Variants in CTNNB1 observed in about 807,000 individuals in gnomAD.
The protein encoded by CTNNB1 is catenin beta-1.
CTNNB1 carries 6 observed loss-of-function variants against 82.5 expected under a neutral mutation model. The observed-to-expected ratio is 0.07, with a 90% CI of 0.04 to 0.14. The LOEUF (loss-of-function observed/expected upper bound fraction) is 0.14, where lower values mean the gene tolerates loss of function less well. Ranked by LOEUF, CTNNB1 falls within the 10% of genes least tolerant of loss-of-function variation. The pLI is 1.00. For synonymous variants in CTNNB1, 312 were observed against 329.7 expected (o/e 0.95, Z 0.58); for missense variants, 529 against 980.4 (o/e 0.54, Z 6.15).
At chr3:41,237,836 A>G in intron 13 of CTNNB1, 180 bp from the exon 14 acceptor site, 1 of 611,804 alleles carries the variant, frequency 1.6e-6, no homozygotes, top group Non-Finnish European at 2.9e-6. Flanking sequence ...GCAAAGAGAA[A>G]AAAAAATGTA....
intron 13 of CTNNB1, 161 bp from the exon 14 acceptor site, chr3:41,237,855 G>A: frequency 1.5e-6 from 1 of 661,480 alleles, no homozygotes; most frequent in South Asian, 1.7e-5. Context: ...TATCTTTGAG[G>A]TGTGGAGTTT....
chr3:41,205,303 G>C lies in CTNNB1; in HGVS notation c.-49+5633G>C, dbSNP rs1044865782. Among the ~76,000 whole-genome samples the C allele has an allele frequency of 2.8e-4, 43 of 152,168 alleles. 1 individual carries two copies. The highest frequency in any genetic ancestry group is 8.5e-4 in the African/African-American group (35 of 41,418). ...AATTAAAAATTAATTGAATATAAACGTTTTACTTAAATTAATGGCAAATGG... is the reference window on the plus strand; with the variant it reads ...AATTAAAAATTAATTGAATATAAACCTTTTACTTAAATTAATGGCAAATGG... On this transcript the variant is annotated intron_variant, in intron 1 of 14. Transcript: ENST00000349496.
chr3:41,212,370 T>C (rs756281043), intron 1 of CTNNB1, among the ~76,000 whole-genome samples: 2 of 152,186 alleles, frequency 1.3e-5, no homozygotes, highest in Non-Finnish European at 2.9e-5. Flanking sequence ...TTTCACGGCC[T>C]GAAAGATGTC....
At chr3:41,204,500 A>C in intron 1 of CTNNB1, among the ~76,000 whole-genome samples, 1 of 152,192 alleles carries the variant, frequency 6.6e-6, no homozygotes, top group East Asian at 1.9e-4. Context: ...TGGCTACTCA[A>C]ATGTCTCCAG....
rs2078360180 is a variant in CTNNB1 at position 41,233,522 on chromosome 3, T to C, written c.1186-7T>C. The C allele has an allele frequency of 6.2e-7, 1 of 1,614,030 alleles. No individual in the cohort carries two copies. The highest frequency in any genetic ancestry group is 1.7e-5 in the Admixed American group (1 of 60,024). On this transcript the variant is annotated splice_region_variant and splice_polypyrimidine_tract_variant and intron_variant, in intron 8 of 14. Transcript: ENST00000349496. ...CTTGTACTGACCATCTGTTTTTATC[T>C]CCATAGGAAGGGATGGAAGGTCTCC...
At chr3:41,219,791 A>G (rs1360718033) in intron 1 of CTNNB1, among the ~76,000 whole-genome samples, 1 of 152,178 alleles carries the variant, frequency 6.6e-6, no homozygotes, top group Admixed American at 6.5e-5. Context: ...CAGTGTTTCT[A>G]GAACTTCTGG....
At chr3:41,208,333 A>G (rs2077697188) in intron 1 of CTNNB1, among the ~76,000 whole-genome samples, 3 of 152,166 alleles carry the variant, frequency 2.0e-5, no homozygotes, top group African/African-American at 7.2e-5. Context: ...GATGCTTCCA[A>G]TATCCTGGTC....
At chr3:41,211,568 ATCT>A (rs1445527234) in intron 1 of CTNNB1, among the ~76,000 whole-genome samples, 1 of 152,116 alleles carries the variant, frequency 6.6e-6, no homozygotes, top group Non-Finnish European at 1.5e-5. Flanking sequence ...TGTCTATTGT[ATCT>A]TTATGTCCAT....
chr3:41,207,765 A>G (rs1176435106), intron 1 of CTNNB1, among the ~76,000 whole-genome samples: 1 of 152,106 alleles, frequency 6.6e-6, no homozygotes, highest in Non-Finnish European at 1.5e-5. Context: ...TATATTCTCA[A>G]TCTTGTGAAT....
intron 8 of CTNNB1, 42 bp downstream of exon 8, chr3:41,233,486 A>T (rs2125638337): frequency 6.2e-7 from 1 of 1,613,282 alleles, no homozygotes; most frequent in South Asian, 1.1e-5. Flanking sequence ...TAGAGTCAAG[A>T]TGAGTATGTG....
chr3:41,207,353 G>A (rs995994549), intron 1 of CTNNB1, among the ~76,000 whole-genome samples: 4 of 152,054 alleles, frequency 2.6e-5, no homozygotes, highest in East Asian at 1.9e-4. Flanking sequence ...ATGCTAAAGG[G>A]CCTCAGGTTT....
chr3:41,225,437 G>A lies in CTNNB1; in HGVS notation c.599G>A (p.Arg200His), dbSNP rs2125622798. The part of the protein sequence containing the change: ...RSPQMVSAIV[R>H]TMQNTNDVET... ...CCTCAGATGGTGTCTGCTATTGTAC[G>A]TACCATGCAGAATACAAATGATGTA... is the stretch of plus-strand genomic sequence containing the variant. The change falls in exon 5 of 15, where the codon CGT becomes CAT. Residue 200 changes from arginine (R) to histidine (H), a missense_variant. Arg to His is a conservative substitution (Grantham distance 29). Around this residue, in one of 4 missense-constraint regions of CTNNB1, gnomAD observed 411 missense variants for 776.4 expected, o/e 0.53. Coordinates refer to ENST00000349496, the MANE Select transcript of CTNNB1 (RefSeq NM_001904.4). This position sits in a 1 kb window ranked among gnomAD's most constrained non-coding sequence, Gnocchi z 5.3. 1.2e-6 allele frequency: 2 copies of A among 1,613,862 alleles called. No homozygotes were observed. Among genetic ancestry groups the A allele is most frequent in the South Asian group, 1.1e-5 (1 of 91,072 alleles).
chr3:41,207,957 A>C lies in CTNNB1; in HGVS notation c.-49+8287A>C, dbSNP rs1041957302. 3.4e-4 allele frequency among the ~76,000 whole-genome samples: 51 copies of C among 152,148 alleles called. 1 individual carries two copies. The highest frequency in any genetic ancestry group is 1.5e-5 in the Non-Finnish European group (1 of 68,030). Reference sequence around the variant, plus strand: ...TGTCACTTCTTGACCTTTATTTTCCAAAACTTCAAGCTTTGACTTTCATGT... The same window carrying C: ...TGTCACTTCTTGACCTTTATTTTCCCAAACTTCAAGCTTTGACTTTCATGT... On this transcript the variant is annotated intron_variant, in intron 1 of 14. Transcript: ENST00000349496.
chr3:41,214,403 A>AG (rs1457517321), intron 1 of CTNNB1, among the ~76,000 whole-genome samples: 1 of 151,688 alleles, frequency 6.6e-6, no homozygotes, highest in Non-Finnish European at 1.5e-5. Context: ...TTAAAAAAAA[A>AG]AAAAGATTTT....
chr3:41,206,650 A>G (rs1330394766), intron 1 of CTNNB1, among the ~76,000 whole-genome samples: 2 of 151,930 alleles, frequency 1.3e-5, no homozygotes, highest in Non-Finnish European at 2.9e-5. Flanking sequence ...TCTCTTTTTT[A>G]AGTATAATTA....
At chr3:41,205,687 G>A (rs568875486) in intron 1 of CTNNB1, among the ~76,000 whole-genome samples, 1 of 152,320 alleles carries the variant, frequency 6.6e-6, no homozygotes, top group East Asian at 1.9e-4. Context: ...AGAAAGAAAA[G>A]TGGGGTGTTT....
At chr3:41,236,910 C>T in intron 13 of CTNNB1, 2 of 631,252 alleles carry the variant, frequency 3.2e-6, no homozygotes, top group Non-Finnish European at 2.7e-6. Context: ...AGAATCATTA[C>T]AAATAAGTTG....
Position 41,236,368 on chromosome 3 carries a change from A to C in CTNNB1, c.1823A>C (p.Glu608Ala). 1 of 1,614,202 alleles carries C rather than the reference A, an allele frequency of 6.2e-7. No homozygotes were observed. Among genetic ancestry groups the C allele is most frequent in the Non-Finnish European group, 8.5e-7 (1 of 1,180,024 alleles). The change falls in exon 12 of 15, where the codon GAA becomes GCA. Residue 608 changes from glutamate to alanine, a missense_variant. By Grantham distance (107) the Glu-to-Ala change is moderately radical. Transcript: ENST00000349496. ...CCTTAGCTGCTTTATTCTCCCATTG[A>C]AAACATCCAAAGAGTAGCTGCAGGG... is the stretch of plus-strand genomic sequence containing the variant. The part of the protein sequence containing the change: ...LFVQLLYSPI[E>A]NIQRVAAGVL...
intron 1 of CTNNB1, among the ~76,000 whole-genome samples, chr3:41,212,852 C>CAACA (rs985501312): frequency 6.6e-6 from 1 of 152,200 alleles, no homozygotes; most frequent in Non-Finnish European, 1.5e-5. Context: ...TTCATCACAT[C>CAACA]AACAGCGCCT....
Sources: allele counts gnomAD v4.1 joint callset (sites outside exome capture counted in the v4.1 genomes callset), GRCh38; gene constraint gnomAD v4.1.1; regional missense constraint gnomAD v4.1.1; non-coding constraint Gnocchi (gnomAD v3.1); transcripts MANE v1.5; gene names NCBI Gene and HGNC (gene_info 2026-07-23, HGNC 2026-07-21).